Variants in MYZAP observed in about 807,000 individuals in gnomAD.
The protein encoded by MYZAP is GRINL1A complex locus upstream.
In MYZAP, 66 loss-of-function variants were observed where a neutral mutation model predicts 69.4. The observed-to-expected ratio is 0.95, with a 90% CI of 0.78 to 1.17. MYZAP has a LOEUF of 1.17. MYZAP is among the 50% of genes most tolerant of loss of function. MYZAP has a pLI of 0.00. For synonymous variants in MYZAP, 256 were observed against 205.9 expected (o/e 1.24, Z -2.09); for missense variants, 611 against 556.2 (o/e 1.10, Z -0.99).
intron 2 of MYZAP, among the ~76,000 whole-genome samples, chr15:57,610,484 C>T (rs1217326074): frequency 1.4e-4 from 22 of 152,116 alleles, no homozygotes; most frequent in Admixed American, 1.3e-3. Flanking sequence ...AGGGACTCTG[C>T]GTGCCCCTCA....
At chr15:57,639,218 T>TA (rs150396409) in intron 9 of MYZAP, among the ~76,000 whole-genome samples, 1 of 148,928 alleles carries the variant, frequency 6.7e-6, no homozygotes, top group East Asian at 1.9e-4. Context: ...TTATTTATTT[T>TA]TTTTTTTTGT....
chr15:57,634,882 G>A (rs1202500293), intron 8 of MYZAP, among the ~76,000 whole-genome samples: 1 of 152,204 alleles, frequency 6.6e-6, no homozygotes, highest in African/African-American at 2.4e-5. Flanking sequence ...CAGAGGGGGT[G>A]GTGGTGAAGA....
intron 10 of MYZAP, among the ~76,000 whole-genome samples, chr15:57,651,188 A>G (rs2037707764): frequency 6.6e-6 from 1 of 152,204 alleles, no homozygotes; most frequent in Non-Finnish European, 1.5e-5. Context: ...AAGCGCTTCC[A>G]AAATGCAATT....
intron 10 of MYZAP, among the ~76,000 whole-genome samples, chr15:57,639,982 A>G (rs1341345761): frequency 6.6e-6 from 1 of 151,096 alleles, no homozygotes. Context: ...TGTGTCTTTC[A>G]TTCCCTTTCC....
chr15:57,661,209 G>C (rs1213933690), intron 10 of MYZAP, among the ~76,000 whole-genome samples: 1 of 152,148 alleles, frequency 6.6e-6, no homozygotes, highest in Non-Finnish European at 1.5e-5. Flanking sequence ...GCTGCCCCAA[G>C]CTCACCTGTT....
chr15:57,642,963 A>G (rs1399017370), intron 10 of MYZAP, among the ~76,000 whole-genome samples: 1 of 152,146 alleles, frequency 6.6e-6, no homozygotes, highest in Non-Finnish European at 1.5e-5. Context: ...AGATAATGCA[A>G]AACGTTTTCT....
chr15:57,644,006 T>A (rs1342238582), intron 10 of MYZAP, among the ~76,000 whole-genome samples: 1 of 152,260 alleles, frequency 6.6e-6, no homozygotes, highest in Non-Finnish European at 1.5e-5. Context: ...TCATTAGTGC[T>A]TCTCCACCCA....
In MYZAP at chr15:57,684,643, G is replaced by A. The variant is rs2039607966; in HGVS notation, c.*145G>A. 1.6e-6 allele frequency: 1 copy of A among 625,746 alleles called. No homozygotes were observed. The highest frequency in any genetic ancestry group is 2.7e-5 in the Admixed American group (1 of 36,402). The allele number at this position is 625,746 out of a possible 1,614,324, so 38.8% of individuals were successfully genotyped here. On this transcript the variant is annotated 3_prime_UTR_variant, in exon 13 of 13. Transcript: ENST00000267853. Reference sequence around the variant, plus strand: ...CGCTGAGGCTCTGATCCACTTCTAAGACAGGAAGGAAAGTGAAGGCAGAGT... The same window carrying A: ...CGCTGAGGCTCTGATCCACTTCTAAAACAGGAAGGAAAGTGAAGGCAGAGT...
intron 10 of MYZAP, among the ~76,000 whole-genome samples, chr15:57,644,828 A>C (rs1157778209): frequency 6.6e-6 from 1 of 152,180 alleles, no homozygotes; most frequent in Non-Finnish European, 1.5e-5. Flanking sequence ...AACTTCCCAA[A>C]GGCTATTTAG....
At chr15:57,640,261 A>G (rs1239989250) in intron 10 of MYZAP, among the ~76,000 whole-genome samples, 1 of 152,220 alleles carries the variant, frequency 6.6e-6, no homozygotes, top group Non-Finnish European at 1.5e-5. Flanking sequence ...GTGATGTTCC[A>G]AAGAAGAAAG....
At chr15:57,645,244 G>A (rs2037382733) in intron 10 of MYZAP, among the ~76,000 whole-genome samples, 3 of 152,212 alleles carry the variant, frequency 2.0e-5, no homozygotes, top group Non-Finnish European at 4.4e-5. Context: ...GAGTGATGCT[G>A]TAGTCATAAT....
At chr15:57,623,620 C>T (rs1380361233) in intron 4 of MYZAP, among the ~76,000 whole-genome samples, 1 of 151,888 alleles carries the variant, frequency 6.6e-6, no homozygotes. Context: ...GTAATCCTAG[C>T]TACTCCGTTG....
intron 10 of MYZAP, among the ~76,000 whole-genome samples, chr15:57,652,461 A>G (rs530149050): frequency 6.6e-6 from 1 of 152,216 alleles, no homozygotes; most frequent in Non-Finnish European, 1.5e-5. Flanking sequence ...GACTTTAAAA[A>G]ATACAGTAAC....
chr15:57,596,132 A>C (rs2034042480), intron 1 of MYZAP, among the ~76,000 whole-genome samples: 1 of 152,192 alleles, frequency 6.6e-6, no homozygotes, highest in African/African-American at 2.4e-5. Context: ...GATTTCCCCT[A>C]GACATTTATG....
At chr15:57,593,215 C>CACACACACACACACACACACACACACA (rs1358695314) in intron 1 of MYZAP, among the ~76,000 whole-genome samples, 4 of 141,902 alleles carry the variant, frequency 2.8e-5, no homozygotes, top group East Asian at 3.9e-4. Context: ...CACACACACA[C>CACACACACACACACACACACACACACA]CCCAGAATCC....
chr15:57,651,745 G>A (rs2140508463), intron 10 of MYZAP, among the ~76,000 whole-genome samples: 1 of 152,316 alleles, frequency 6.6e-6, no homozygotes, highest in Middle Eastern at 3.4e-3. Flanking sequence ...AGAATCGTGA[G>A]CTAAGCCAGC....
chr15:57,673,862 G>A (rs1040411018), intron 11 of MYZAP, among the ~76,000 whole-genome samples: 1 of 152,084 alleles, frequency 6.6e-6, no homozygotes, highest in Admixed American at 6.5e-5. Flanking sequence ...CTCAGCTTCA[G>A]CTCCAACTTA....
Position 57,628,636 on chromosome 15 carries a change from T to A in MYZAP, c.526-1066T>A, listed in dbSNP as rs181385246. Among the ~76,000 whole-genome samples the A allele has an allele frequency of 4.1e-3, 627 of 152,320 alleles. 3 individuals are homozygous for A. Among genetic ancestry groups the A allele is most frequent in the Middle Eastern group, 6.8e-3 (2 of 294 alleles). Reference sequence around the variant, plus strand: ...CGGCTTGGAGCAAAAATCACTTGTCTGCATTACCAAATTCTGTTCCTTAGT... The same window carrying A: ...CGGCTTGGAGCAAAAATCACTTGTCAGCATTACCAAATTCTGTTCCTTAGT... On this transcript the variant is annotated intron_variant, in intron 5 of 12. Coordinates refer to ENST00000267853, the MANE Select transcript of MYZAP (RefSeq NM_001018100.5).
At chr15:57,646,177 T>C (rs1482805629) in intron 10 of MYZAP, 1 of 1,289,374 alleles carries the variant, frequency 7.8e-7, no homozygotes, top group Non-Finnish European at 1.0e-6. Context: ...AGTCTCCGGC[T>C]CTTTGGAAGA....
Sources: gnomAD v4.1 joint callset for allele counts (sites outside exome capture counted in the v4.1 genomes callset) on GRCh38, gnomAD v4.1.1 for gene constraint, MANE v1.5 for transcripts, NCBI Gene and HGNC (gene_info 2026-07-23, HGNC 2026-07-21) for gene names.